Variants in PCDHA6 observed in about 807,000 individuals in gnomAD.
PCDHA6 encodes the protein protocadherin alpha-6.
PCDHA6 carries 55 observed loss-of-function variants against 60.3 expected under a neutral mutation model. That is an observed-to-expected ratio of 0.91 (90% CI 0.73 to 1.14). The LOEUF (loss-of-function observed/expected upper bound fraction) is 1.14. PCDHA6 is among the 50% of genes most tolerant of loss of function. The probability of loss-of-function intolerance (pLI) is 0.00; values close to 1 mark genes in which losing one functional copy is unlikely to be tolerated. For synonymous variants in PCDHA6, 652 were observed against 557.9 expected, an observed-to-expected ratio of 1.17 and a Z score of -2.38; for missense variants, 1,327 against 1,256.5, an observed-to-expected ratio of 1.06 and a Z score of -0.85.
intron 1 of PCDHA6, among the ~76,000 whole-genome samples, chr5:140,899,099 A>G (rs1379248424): frequency 6.6e-6 from 1 of 152,162 alleles, no homozygotes; most frequent in African/African-American, 2.4e-5. Context: ...GGCTGAGATA[A>G]TGGGGTTTTC....
intron 1 of PCDHA6, among the ~76,000 whole-genome samples, chr5:140,922,616 A>G (rs2080916487): frequency 6.6e-6 from 1 of 152,242 alleles, no homozygotes; most frequent in African/African-American, 2.4e-5. Context: ...TATTAAAACT[A>G]TGGTACACAT....
chr5:140,863,449 A>G (rs1166397854), intron 1 of PCDHA6: 4 of 570,946 alleles, frequency 7.0e-6, no homozygotes, highest in Admixed American at 4.2e-5. Flanking sequence ...TACTCGCAGC[A>G]AAGGAGATTT....
chr5:140,969,529 T>C, intron 1 of PCDHA6: 1 of 1,377,800 alleles, frequency 7.3e-7, no homozygotes, highest in Non-Finnish European at 9.7e-7. Flanking sequence ...GTTTTATTTT[T>C]CATTTTCAGA....
chr5:140,845,374 TAGG>T (rs1779845907), intron 1 of PCDHA6, among the ~76,000 whole-genome samples: 1 of 149,664 alleles, frequency 6.7e-6, no homozygotes, highest in South Asian at 2.1e-4. Flanking sequence ...ATATCATAAA[TAGG>T]AGGATTCTTT....
chr5:140,931,579 A>G (rs1464146269), intron 1 of PCDHA6, among the ~76,000 whole-genome samples: 2 of 152,102 alleles, frequency 1.3e-5, no homozygotes, highest in Non-Finnish European at 2.9e-5. Flanking sequence ...CCATTCATTC[A>G]GTTGAACAGT....
chr5:140,989,019 T>C (rs1429425323), intron 3 of PCDHA6: 1 of 152,238 alleles, frequency 6.6e-6, no homozygotes, highest in East Asian at 1.9e-4. Context: ...TATAGTTTCT[T>C]CAGTTATCAT....
intron 2 of PCDHA6, among the ~76,000 whole-genome samples, chr5:140,980,115 G>A (rs1263722649): frequency 6.6e-6 from 1 of 152,142 alleles, no homozygotes; most frequent in African/African-American, 2.4e-5. Flanking sequence ...ATTGGAACCT[G>A]GGTCATAATT....
intron 1 of PCDHA6, chr5:140,850,802 C>T: frequency 6.3e-7 from 1 of 1,598,420 alleles, no homozygotes; most frequent in Non-Finnish European, 8.6e-7. Flanking sequence ...AGACCGACCT[C>T]ATGGCCTTCA....
chr5:140,850,473 A>T lies in PCDHA6; in HGVS notation c.2394+19988A>T, dbSNP rs1320071862. 8.8e-6 allele frequency: 14 copies of T among 1,597,572 alleles called. 1 individual carries two copies. The highest frequency in any genetic ancestry group is 1.2e-5 in the Non-Finnish European group (14 of 1,167,568). On this transcript the variant is annotated intron_variant, in intron 1 of 3. Transcript: ENST00000529310. ...GAAAGACCACGGGGAGCCAGCGCTGACGGCCACGGCCACTGTGCTGGTGTC... is the reference window on the plus strand; with the variant it reads ...GAAAGACCACGGGGAGCCAGCGCTGTCGGCCACGGCCACTGTGCTGGTGTC...
intron 1 of PCDHA6, chr5:140,883,199 G>A (rs782445481): frequency 6.2e-7 from 1 of 1,613,862 alleles, no homozygotes; most frequent in Non-Finnish European, 8.5e-7. Context: ...ACTAGATTTC[G>A]AAGAAAAGAA....
intron 1 of PCDHA6, chr5:140,858,303 G>A: frequency 6.3e-7 from 1 of 1,597,370 alleles, no homozygotes; most frequent in South Asian, 1.1e-5. Context: ...TCGCAGCAGA[G>A]GCGGCAGAGG....
Position 140,836,428 on chromosome 5 carries a change from C to T in PCDHA6, c.2394+5943C>T, listed in dbSNP as rs2150260814. ...CAGGCACCAAAGGCGTCGTCGCGGG[C>T]ATCGTTGGGCATTGCAGGCCCAGAG... On this transcript the variant is annotated intron_variant, in intron 1 of 3. Transcript: ENST00000529310. 1.5e-5 allele frequency: 24 copies of T among 1,613,854 alleles called. No individual in the cohort carries two copies. Among genetic ancestry groups the T allele is most frequent in the Non-Finnish European group, 1.9e-5 (22 of 1,179,866 alleles).
At chr5:140,986,954 C>T (rs2097219916) in intron 3 of PCDHA6, among the ~76,000 whole-genome samples, 1 of 152,154 alleles carries the variant, frequency 6.6e-6, no homozygotes, top group African/African-American at 2.4e-5. Context: ...TCGCTCATGC[C>T]TGTAATTCCA....
intron 1 of PCDHA6, chr5:140,875,737 C>G: frequency 2.5e-6 from 4 of 1,614,224 alleles, no homozygotes; most frequent in Non-Finnish European, 3.4e-6. Flanking sequence ...TGTGAATTCT[C>G]GGATCGACCG....
intron 1 of PCDHA6, chr5:140,848,087 G>A (rs1781316611): frequency 5.9e-6 from 1 of 168,072 alleles, no homozygotes; most frequent in African/African-American, 2.4e-5. Flanking sequence ...AAACTTAAGT[G>A]GAGAGTTTTC....
chr5:140,850,142 G>A lies in PCDHA6; in HGVS notation c.2394+19657G>A. 8.8e-6 allele frequency: 14 copies of A among 1,595,712 alleles called. 2 individuals are homozygous for A. Among genetic ancestry groups the A allele is most frequent in the Non-Finnish European group, 1.2e-5 (14 of 1,167,856 alleles). On this transcript the variant is annotated intron_variant, in intron 1 of 3. Transcript: ENST00000529310. ...GCGTGCCGCCTCTGGGCAGCAACGT[G>A]ACGCTGCAGGTGTTCGTGCTGGACG...
At position 140,830,681 on chromosome 5, in the gene PCDHA6, G is replaced by C. The variant is rs112940654; in HGVS notation, c.2394+196G>C. On this transcript the variant is annotated intron_variant, in intron 1 of 3. Coordinates refer to ENST00000529310, the MANE Select transcript of PCDHA6 (RefSeq NM_018909.4). ...AATTTAAGTGAAATTAGAAATCACT[G>C]TCCACAATCTGCACCTCAGAATTTT... The C allele has an allele frequency of 8.1e-3, 2,706 of 335,658 alleles. 74 individuals are homozygous for C. Among genetic ancestry groups the C allele is most frequent in the African/African-American group, 0.053 (2,457 of 46,446 alleles). The allele number at this position is 335,658 out of a possible 1,614,324, so 20.8% of individuals were successfully genotyped here.
chr5:140,991,066 C>T (rs2097429810), intron 3 of PCDHA6, among the ~76,000 whole-genome samples: 2 of 152,122 alleles, frequency 1.3e-5, no homozygotes, highest in Non-Finnish European at 2.9e-5. Context: ...TTATTATTCC[C>T]ATGTTTCAGA....
In PCDHA6 at chr5:140,883,728, A is replaced by G. The variant is rs781971725; in HGVS notation, c.2394+53243A>G. 2 of 1,613,392 alleles carry G rather than the reference A, an allele frequency of 1.2e-6. No homozygotes were observed. The highest frequency in any genetic ancestry group is 2.7e-5 in the African/African-American group (2 of 74,914). On this transcript the variant is annotated intron_variant, in intron 1 of 3. Transcript: ENST00000529310. ...GCTCAGGACGCGGACGCACAGGAGA[A>G]CGCGCTGGTCTCCTACTCGCTGGTG...
Sources: gnomAD v4.1 joint callset for allele counts (sites outside exome capture counted in the v4.1 genomes callset) on GRCh38, gnomAD v4.1.1 for gene constraint, MANE v1.5 for transcripts, NCBI Gene and HGNC (gene_info 2026-07-23, HGNC 2026-07-21) for gene names.